The following ARVCF variants were observed in gnomAD, a reference collection of about 807,000 sequenced individuals.
The protein encoded by ARVCF is ARVCF delta catenin family member, also known as splicing regulator ARVCF.
A neutral mutation model predicts 90.9 loss-of-function variants in ARVCF; 66 were observed. The ratio of observed to expected loss-of-function variants is 0.73; its 90% CI spans 0.60 to 0.89. The LOEUF is 0.89. Ranked by LOEUF, ARVCF falls within the 40% of genes least tolerant of loss-of-function variation. The probability of loss-of-function intolerance (pLI) is 0.00; values close to 1 mark genes in which losing one functional copy is unlikely to be tolerated. For missense variants in ARVCF, 1,469 were observed against 1,382.3 expected (o/e 1.06, Z -1.00); for synonymous variants, 653 against 603.4 (o/e 1.08, Z -1.21).
chr22:19,995,721 G>A (rs571154084), intron 2 of ARVCF, among the ~76,000 whole-genome samples: 12 of 152,162 alleles, frequency 7.9e-5, no homozygotes, highest in Non-Finnish European at 1.6e-4. Flanking sequence ...GGTGGCAGGC[G>A]GGGCCTGGCT....
In ARVCF at chr22:19,972,783, A is replaced by G. The variant is rs1242728035; in HGVS notation, c.2595T>C (p.Pro865=). The change falls in exon 16 of 20, where the codon CCT becomes CCC. Residue 865 remains proline, a synonymous_variant. Coordinates refer to ENST00000263207, the MANE Select transcript of ARVCF (RefSeq NM_001670.3). The part of the protein sequence containing the change: ...TAKGPKGALS[P]GGFDDSTLPL... ...GCAGCGTGCTGTCATCGAAGCCCCC[A>G]GGACTCAGTGCTCCCTTAGGCCCCT... is the stretch of plus-strand genomic sequence containing the variant. 2 of 1,613,470 alleles carry G rather than the reference A, an allele frequency of 1.2e-6. No individual in the cohort carries two copies. Among genetic ancestry groups the G allele is most frequent in the Non-Finnish European group, 1.7e-6 (2 of 1,179,798 alleles).
At chr22:19,966,451 A>G (rs1305277685), downstream of ARVCF, among the ~76,000 whole-genome samples, 9 of 151,330 alleles carry the variant, frequency 5.9e-5, no homozygotes, top group East Asian at 5.8e-4. Context: ...AAAAAAAAAA[A>G]AAAAGAAAAA....
At chr22:19,973,547 A>C (rs1056125775) in intron 13 of ARVCF, 96 bp downstream of exon 13, 24 of 1,510,238 alleles carry the variant, frequency 1.6e-5, no homozygotes, top group Admixed American at 2.0e-5. Flanking sequence ...CGGGGCCTGG[A>C]CTCCCAAACC....
rs767116704 is a variant in ARVCF at position 19,981,355 on chromosome 22, G to A, written c.752C>T (p.Pro251Leu). 3 of 1,605,314 alleles carry A rather than the reference G, an allele frequency of 1.9e-6. No homozygotes were observed. ...EPGPPGGRSL[P>L]ERFQAEPYGL... ...ATACGGCTCTGCCTGGAAGCGCTCGGGCAGGGAGCGGCCACCTGGTGGCCC... is the reference window on the plus strand; with the variant it reads ...ATACGGCTCTGCCTGGAAGCGCTCGAGCAGGGAGCGGCCACCTGGTGGCCC... Residue 251 changes from proline (P) to leucine (L), a missense_variant, in exon 5 of 20, where the codon CCC becomes CTC. Coordinates refer to ENST00000263207, the MANE Select transcript of ARVCF (RefSeq NM_001670.3).
At position 19,972,390 on chromosome 22, in the gene ARVCF, C is replaced by T. The variant is rs62223684; in HGVS notation, c.2663G>A (p.Arg888Gln). 1,483 of 1,613,540 alleles carry T rather than the reference C, an allele frequency of 9.2e-4. 2 individuals carry two copies. The highest frequency in any genetic ancestry group is 1.2e-3 in the Non-Finnish European group (1,390 of 1,180,006). Residue 888 changes from arginine (R) to glutamine (Q), a missense_variant, in exon 17 of 20, where the codon CGG (arginine) becomes CAG (glutamine). Arg to Gln is a conservative substitution (Grantham distance 43). Transcript: ENST00000263207. ...KSLEGEKTGS[R>Q]DVIPMDALGP... The stretch of plus-strand genomic sequence containing the variant: ...CAGCGCATCCATGGGGATCACATCC[C>T]GGCTGCCAGTTTTCTCGCCCTCTGC...
downstream of ARVCF, chr22:19,969,808 C>T: frequency 1.0e-6 from 1 of 982,444 alleles, no homozygotes; most frequent in Non-Finnish European, 1.2e-6. Flanking sequence ...ACCACCTCCA[C>T]CCAGGGCCCT....
chr22:19,971,857 G>C (rs759510236), intron 18 of ARVCF, 29 bp downstream of exon 18: 2 of 1,611,104 alleles, frequency 1.2e-6, no homozygotes, highest in Middle Eastern at 1.7e-4. Flanking sequence ...CCTCACCGGG[G>C]ACCTGCCCAC....
rs568393334 is a variant in ARVCF, at chr22:19,978,152, T to C, written c.1581-77A>G. The C allele has an allele frequency of 7.4e-5, 99 of 1,342,356 alleles. No homozygotes were observed. In the East Asian group the frequency reaches 2.3e-3, roughly 31 times the overall value. 83.2% of individuals were successfully genotyped at this position (1,342,356 alleles called of 1,614,324 possible). A position where few individuals can be genotyped will look rare whatever the true frequency, so the allele number is the denominator to read the frequency against. On this transcript the variant is annotated intron_variant, in intron 7 of 19. Coordinates refer to ENST00000263207, the MANE Select transcript of ARVCF (RefSeq NM_001670.3). ...GCTCCACCCTGGCCTTGTGGGCTTG[T>C]CTTCATCTGCAAAATAGGCCCTGCT... is the stretch of plus-strand genomic sequence containing the variant.
downstream of ARVCF, chr22:19,967,252 A>C: frequency 7.7e-7 from 1 of 1,291,738 alleles, no homozygotes; most frequent in Non-Finnish European, 1.0e-6. Flanking sequence ...GCGCAACCCG[A>C]GAAGTCCAGG....
chr22:19,980,951 A>G, intron 5 of ARVCF: 1 of 469,608 alleles, frequency 2.1e-6, no homozygotes, highest in Middle Eastern at 5.4e-4. Context: ...CTGGTTACCC[A>G]GAGTGTGGCT....
At chr22:19,989,685 G>T (rs184250853) in intron 3 of ARVCF, among the ~76,000 whole-genome samples, 176 of 152,274 alleles carry the variant, frequency 1.2e-3, no homozygotes, top group African/African-American at 4.0e-3. Flanking sequence ...AGGTCTGGCT[G>T]CTGGGTTTAG....
At position 20,016,698 on chromosome 22, in the gene ARVCF, C is replaced by G. The variant is rs530521113; in HGVS notation, c.-182G>C. The G allele has an allele frequency of 6.8e-6, 1 of 147,870 alleles. No homozygotes were observed. Among genetic ancestry groups the G allele is most frequent in the African/African-American group, 2.6e-5 (1 of 38,256 alleles). 9.2% of individuals were successfully genotyped at this position (147,870 alleles called of 1,614,324 possible). ...GTTCCCAGGGCGCGGCGCGGTGCGGCGCGGCGCGGGTCGCAGTCCACGCGG... is the reference window on the plus strand; with the variant it reads ...GTTCCCAGGGCGCGGCGCGGTGCGGGGCGGCGCGGGTCGCAGTCCACGCGG... On this transcript the variant is annotated 5_prime_UTR_variant, in exon 1 of 20. Transcript: ENST00000263207.
chr22:20,008,907 G>A (rs116882829), intron 2 of ARVCF, among the ~76,000 whole-genome samples: 1 of 152,300 alleles, frequency 6.6e-6, no homozygotes, highest in East Asian at 1.9e-4. Context: ...GAGAAACATA[G>A]AGAAGACCAA....
chr22:19,967,586 G>A (rs1271781191), downstream of ARVCF: 3 of 365,210 alleles, frequency 8.2e-6, no homozygotes, highest in Admixed American at 3.6e-5. Flanking sequence ...CAGGACAGCT[G>A]CAAGCCCTGT....
intron 2 of ARVCF, among the ~76,000 whole-genome samples, chr22:19,992,104 G>A (rs187875895): frequency 4.6e-5 from 7 of 152,348 alleles, no homozygotes; most frequent in Admixed American, 2.6e-4. Context: ...GCAACACGGT[G>A]CGGGGACATG....
At chr22:20,009,765 C>T (rs996568870) in intron 2 of ARVCF, among the ~76,000 whole-genome samples, 4 of 152,224 alleles carry the variant, frequency 2.6e-5, no homozygotes, top group African/African-American at 7.2e-5. Flanking sequence ...ATGCCTCAGT[C>T]CCACTGGAGC....
In ARVCF at chr22:20,002,082, C is replaced by T. The variant is rs185612197; in HGVS notation, c.-19+8373G>A. Among the ~76,000 whole-genome samples the T allele has an allele frequency of 1.6e-4, 24 of 152,306 alleles. No individual in the cohort carries two copies. The East Asian group carries it at 4.4e-3, about 28-fold the overall frequency. Reference sequence around the variant, plus strand: ...GCTCTTCCAACCACAGAAAAACGGCCAGAAACCACCTCAACAGGAGTACGT... The same window carrying T: ...GCTCTTCCAACCACAGAAAAACGGCTAGAAACCACCTCAACAGGAGTACGT... On this transcript the variant is annotated intron_variant, in intron 2 of 19. Coordinates refer to ENST00000263207, the MANE Select transcript of ARVCF (RefSeq NM_001670.3).
rs770784614 is a variant in ARVCF, at chr22:19,981,226, C to T, written c.881G>A (p.Arg294Gln). The T allele has an allele frequency of 1.6e-5, 25 of 1,546,362 alleles. No individual in the cohort carries two copies. Among genetic ancestry groups the T allele is most frequent in the East Asian group, 2.4e-5 (1 of 40,976 alleles). The change falls in exon 5 of 20, where the codon CGG (arginine) becomes CAG (glutamine). Residue 294 changes from arginine to glutamine, a missense_variant. Transcript: ENST00000263207. Reference sequence around the variant, plus strand: ...TGCAGCTCACCTGGTATGAAGGCCCCGCCCACACTCAGGCCTCCTCCTTGT... The same window carrying T: ...TGCAGCTCACCTGGTATGAAGGCCCTGCCCACACTCAGGCCTCCTCCTTGT... ...TATRRRPECG[R>Q]GLHTRAYEDT...
chr22:19,977,340 G>A, intron 9 of ARVCF, 75 bp downstream of exon 9: 2 of 1,452,492 alleles, frequency 1.4e-6, no homozygotes, highest in Non-Finnish European at 1.8e-6. Flanking sequence ...ATGGGCTGCT[G>A]TGGGTGTACA....
Sources: allele counts gnomAD v4.1 joint callset (sites outside exome capture counted in the v4.1 genomes callset), GRCh38; gene constraint gnomAD v4.1.1; transcripts MANE v1.5; gene names NCBI Gene and HGNC (gene_info 2026-07-23, HGNC 2026-07-21).